COL11A1: variants seen among roughly 807,000 people sequenced by gnomAD.
The protein encoded by COL11A1 is collagen alpha-1(XI) chain.
COL11A1 carries 74 observed loss-of-function variants against 265.2 expected under a neutral mutation model. The ratio of observed to expected loss-of-function variants is 0.28; its 90% confidence interval spans 0.23 to 0.34. The LOEUF is 0.34. Ranked by LOEUF, COL11A1 falls within the 10% of genes least tolerant of loss-of-function variation. The probability of loss-of-function intolerance (pLI) is 1.00; values close to 1 mark genes in which losing one functional copy is unlikely to be tolerated. For missense variants in COL11A1, 2,165 were observed against 2,263.6 expected (o/e 0.96, Z 0.88); for synonymous variants, 816 against 727.6 (o/e 1.12, Z -1.96).
At chr1:102,960,486 GT>G (rs66507811) in intron 41 of COL11A1, among the ~76,000 whole-genome samples, 4,645 of 135,100 alleles carry the variant, frequency 0.034, 220 homozygotes, top group African/African-American at 0.11. Context: ...GGGTGTGTGT[GT>G]GGGGGGGGGA....
At chr1:102,925,999 C>A (rs1283871793) in intron 46 of COL11A1, among the ~76,000 whole-genome samples, 1 of 151,926 alleles carries the variant, frequency 6.6e-6, no homozygotes. Context: ...TTATTACAAA[C>A]CCAGTTGTGC....
At chr1:103,024,878 C>G (rs1486655205) in intron 7 of COL11A1, among the ~76,000 whole-genome samples, 1 of 151,414 alleles carries the variant, frequency 6.6e-6, no homozygotes, top group Non-Finnish European at 1.5e-5. Context: ...CAAAGTTAAA[C>G]TGAATTGTAT....
intron 4 of COL11A1, among the ~76,000 whole-genome samples, chr1:103,051,507 C>T (rs1461158793): frequency 3.9e-5 from 6 of 152,166 alleles, no homozygotes; most frequent in Non-Finnish European, 7.3e-5. Context: ...TCTGTCACCC[C>T]TTTCTTTGAC....
intron 37 of COL11A1, among the ~76,000 whole-genome samples, chr1:102,969,147 C>T (rs1661714681): frequency 6.6e-6 from 1 of 152,114 alleles, no homozygotes; most frequent in Admixed American, 6.5e-5. Context: ...TTCAATTTTG[C>T]TTTTGAAATC....
chr1:103,078,665 C>T lies in COL11A1; in HGVS notation c.481G>A (p.Asp161Asn). ...YPLFRTVNIA[D>N]GKWHRVAISV... is the part of the protein sequence containing the mutation. ...TATTATTTTGTTACTTACTTCCCGTCAGCGATGTTAACAGTTCTGAAGAGG... is the reference window on the plus strand; with the variant it reads ...TATTATTTTGTTACTTACTTCCCGTTAGCGATGTTAACAGTTCTGAAGAGG... Residue 161 changes from aspartate to asparagine, a missense_variant, in exon 3 of 67, where the codon GAC (aspartate) becomes AAC (asparagine). Asp to Asn is a conservative substitution (Grantham distance 23, BLOSUM62 1). Coordinates refer to ENST00000370096, the MANE Select transcript of COL11A1 (RefSeq NM_001854.4). The T allele has an allele frequency of 6.2e-7, 1 of 1,613,028 alleles. No individual in the cohort carries two copies. The highest frequency in any genetic ancestry group is 1.1e-5 in the South Asian group (1 of 91,064).
intron 4 of COL11A1, among the ~76,000 whole-genome samples, chr1:103,072,156 C>CA (rs1671642350): frequency 6.6e-6 from 1 of 151,786 alleles, no homozygotes; most frequent in South Asian, 2.1e-4. Flanking sequence ...ATATGATGAG[C>CA]ATAATATGTA....
intron 46 of COL11A1, among the ~76,000 whole-genome samples, chr1:102,929,622 T>C (rs1210580136): frequency 1.3e-5 from 2 of 152,166 alleles, no homozygotes; most frequent in African/African-American, 4.8e-5. Context: ...TTTCCAATTC[T>C]GTGAAGAAAG....
chr1:102,884,171 G>A (rs1471241340), intron 63 of COL11A1, among the ~76,000 whole-genome samples: 1 of 152,108 alleles, frequency 6.6e-6, no homozygotes, highest in Non-Finnish European at 1.5e-5. Flanking sequence ...CTGCCCTCCT[G>A]TCTCTCATCC....
intron 7 of COL11A1, among the ~76,000 whole-genome samples, chr1:103,025,193 G>T (rs1026906252): frequency 1.3e-5 from 2 of 152,064 alleles, no homozygotes; most frequent in Non-Finnish European, 2.9e-5. Context: ...TCTCACAGAA[G>T]AAACATGTTG....
chr1:102,935,016 G>A, intron 45 of COL11A1, 44 bp downstream of exon 45: 1 of 1,582,828 alleles, frequency 6.3e-7, no homozygotes, highest in Non-Finnish European at 8.7e-7. Flanking sequence ...TTTAATCAGG[G>A]AGCTGTAAGG....
chr1:102,936,436 TAGTA>T (rs1349546919), intron 44 of COL11A1, among the ~76,000 whole-genome samples: 2 of 152,120 alleles, frequency 1.3e-5, no homozygotes, highest in Admixed American at 1.3e-4. Flanking sequence ...TGATTATAAA[TAGTA>T]AGTATGATTT....
At position 103,004,499 on chromosome 1, in the gene COL11A1, C is replaced by T. The variant is rs747685749; in HGVS notation, c.1900-11G>A. 6.8e-6 allele frequency: 11 copies of T among 1,610,852 alleles called. No individual in the cohort carries two copies. Among genetic ancestry groups the T allele is most frequent in the African/African-American group, 1.3e-5 (1 of 74,924 alleles). On this transcript the variant is annotated splice_polypyrimidine_tract_variant and intron_variant, in intron 19 of 66. Coordinates refer to ENST00000370096, the MANE Select transcript of COL11A1 (RefSeq NM_001854.4). The stretch of plus-strand genomic sequence containing the variant: ...TTCTCCATCTTCTCCCTGTCATTGA[C>T]AAAATGAATGAGAGTATAGAACATT...
At chr1:102,926,266 C>A (rs1415130652) in intron 46 of COL11A1, among the ~76,000 whole-genome samples, 1 of 151,974 alleles carries the variant, frequency 6.6e-6, no homozygotes, top group Admixed American at 6.6e-5. Context: ...GTAATTTATG[C>A]GTGGAGAGAT....
intron 63 of COL11A1, among the ~76,000 whole-genome samples, chr1:102,885,002 G>A (rs1252918392): frequency 6.6e-6 from 1 of 152,148 alleles, no homozygotes; most frequent in Non-Finnish European, 1.5e-5. Context: ...CCCCGTACCT[G>A]GGAGGATGGA....
chr1:102,942,715 G>A (rs1026404811), intron 42 of COL11A1, among the ~76,000 whole-genome samples: 1 of 151,952 alleles, frequency 6.6e-6, no homozygotes, highest in Non-Finnish European at 1.5e-5. Context: ...TTCCTCAAAA[G>A]CTCATTTGTG....
At chr1:103,048,560 C>T (rs931389635) in intron 4 of COL11A1, among the ~76,000 whole-genome samples, 3 of 152,146 alleles carry the variant, frequency 2.0e-5, no homozygotes, top group African/African-American at 7.2e-5. Flanking sequence ...CTCCTGGACT[C>T]ACTGATTTTT....
chr1:102,923,363 T>C lies in COL11A1; in HGVS notation c.3627A>G (p.Lys1209=). Residue 1209 remains lysine, a synonymous_variant, in exon 47 of 67, where the codon AAA becomes AAG. Coordinates refer to ENST00000370096, the MANE Select transcript of COL11A1 (RefSeq NM_001854.4). ...TGGGACCAACATCCCCATTTTCACCTTTTTCACCAGGTGGGCCTGGCAGAC... is the reference window on the plus strand; with the variant it reads ...TGGGACCAACATCCCCATTTTCACCCTTTTCACCAGGTGGGCCTGGCAGAC... The part of the protein sequence containing the change: ...LQGLPGPPGE[K]GENGDVGPMG... 6.2e-7 allele frequency: 1 copy of C among 1,601,868 alleles called. No individual in the cohort carries two copies.
At position 102,878,475 on chromosome 1, in the gene COL11A1, C is replaced by CAT. The variant is rs57574729; in HGVS notation, c.5275-312_5275-311dup. On this transcript the variant is annotated intron_variant, in intron 66 of 66. Coordinates refer to ENST00000370096, the MANE Select transcript of COL11A1 (RefSeq NM_001854.4). ...AAAATTGATGTTGGTATTGAATCCT[C>CAT]ATATATATATATATATATATATATA... 9.1e-3 allele frequency among the ~76,000 whole-genome samples: 452 copies of CAT among 49,854 alleles called. 24 individuals are homozygous for CAT. Among genetic ancestry groups the CAT allele is most frequent in the South Asian group, 0.05 (34 of 678 alleles). The allele number at this position is 49,854 out of a possible 152,430, so 32.7% of individuals were successfully genotyped here. A position where few individuals can be genotyped will look rare whatever the true frequency, so the allele number is the denominator to read the frequency against.
chr1:102,948,095 T>C (rs1205360993), intron 41 of COL11A1, among the ~76,000 whole-genome samples: 2 of 152,020 alleles, frequency 1.3e-5, no homozygotes, highest in African/African-American at 4.8e-5. Flanking sequence ...ATCATTTTAT[T>C]ATACAAATTT....
Sources: allele counts gnomAD v4.1 joint callset (sites outside exome capture counted in the v4.1 genomes callset), GRCh38; gene constraint gnomAD v4.1.1; transcripts MANE v1.5; gene names NCBI Gene and HGNC (gene_info 2026-07-23, HGNC 2026-07-21).